Variants in EDIL3 observed in about 807,000 individuals in gnomAD.
EDIL3 encodes EGF-like repeat and discoidin I-like domain-containing protein 3.
In EDIL3, 37 loss-of-function variants were observed where a neutral mutation model predicts 67.4. The observed-to-expected ratio is 0.55, with a 90% confidence interval of 0.42 to 0.72. The LOEUF is 0.72. Among genes scored for constraint, EDIL3 ranks in the 30% least tolerant of loss-of-function variants. EDIL3 has a pLI of 0.00. For missense variants in EDIL3, 527 were observed against 586.3 expected (o/e 0.90, Z 1.04); for synonymous variants, 195 against 196.3 (o/e 0.99, Z 0.05).
At chr5:84,248,640 G>A (rs1472204416) in intron 2 of EDIL3, among the ~76,000 whole-genome samples, 1 of 152,118 alleles carries the variant, frequency 6.6e-6, no homozygotes, top group Non-Finnish European at 1.5e-5. Flanking sequence ...AATTCAACAT[G>A]TGAAATACTG....
chr5:84,054,643 C>A (rs1422932727), intron 9 of EDIL3, among the ~76,000 whole-genome samples: 1 of 152,094 alleles, frequency 6.6e-6, no homozygotes, highest in African/African-American at 2.4e-5. Flanking sequence ...GCAAAAATCA[C>A]AAGCATTCTT....
chr5:84,334,724 T>C (rs1746951366), intron 1 of EDIL3, among the ~76,000 whole-genome samples: 1 of 152,220 alleles, frequency 6.6e-6, no homozygotes, highest in South Asian at 2.1e-4. Context: ...CACATTTTTT[T>C]CTTCATCTTT....
Position 84,231,301 on chromosome 5 carries a change from A to G in EDIL3, c.197-1417T>C, listed in dbSNP as rs544027381. ...GAAGTTTGTCTGAAGCAGCTTCACA[A>G]TTTTGCCTAGAATCCATCTATTCAC... is the stretch of plus-strand genomic sequence containing the variant. On this transcript the variant is annotated intron_variant, in intron 2 of 10. Coordinates refer to ENST00000296591, the MANE Select transcript of EDIL3 (RefSeq NM_005711.5). Among the ~76,000 whole-genome samples the G allele has an allele frequency of 3.3e-5, 5 of 152,254 alleles. No homozygotes were observed. In the South Asian group the frequency reaches 1.0e-3, roughly 32 times the overall value.
At chr5:84,191,727 TA>T (rs869057664) in intron 3 of EDIL3, among the ~76,000 whole-genome samples, 129 of 151,664 alleles carry the variant, frequency 8.5e-4, no homozygotes, top group African/African-American at 2.8e-3. Flanking sequence ...ATATTTTTTT[TA>T]AAAAAAAGGA....
At chr5:83,959,625 T>A (rs999823197) in intron 10 of EDIL3, among the ~76,000 whole-genome samples, 1 of 151,132 alleles carries the variant, frequency 6.6e-6, no homozygotes, top group East Asian at 2.0e-4. Context: ...CTTGTAAATA[T>A]TGAAGACTTT....
intron 4 of EDIL3, among the ~76,000 whole-genome samples, chr5:84,164,255 C>T (rs1254841749): frequency 6.6e-6 from 1 of 152,022 alleles, no homozygotes; most frequent in Admixed American, 6.6e-5. Flanking sequence ...AGGATACTTA[C>T]TGGATTTGAA....
chr5:84,345,520 T>A (rs893889804), intron 1 of EDIL3, among the ~76,000 whole-genome samples: 11 of 151,916 alleles, frequency 7.2e-5, no homozygotes, highest in Non-Finnish European at 8.8e-5. Context: ...CTTTGAGAAA[T>A]GGAGTAATAA....
At chr5:84,247,747 A>AAT (rs1376097764) in intron 2 of EDIL3, among the ~76,000 whole-genome samples, 4 of 151,978 alleles carry the variant, frequency 2.6e-5, no homozygotes, top group Non-Finnish European at 5.9e-5. Context: ...ACTTTTCCTG[A>AAT]ATATATATAT....
In EDIL3 at chr5:84,004,445, A is replaced by T. The variant is rs78576603; in HGVS notation, c.1138-41085T>A. ...GCCATAAAGCAATTCTTAATAAATT[A>T]AAAAAAAATCCAAAATTATACCAAA... On this transcript the variant is annotated intron_variant, in intron 9 of 10. Coordinates refer to ENST00000296591, the MANE Select transcript of EDIL3 (RefSeq NM_005711.5). Among the ~76,000 whole-genome samples, 531 of 151,698 alleles carry T rather than the reference A, an allele frequency of 3.5e-3. 4 individuals carry two copies. The highest frequency in any genetic ancestry group is 0.026 in the East Asian group (136 of 5,172).
chr5:84,130,017 G>A (rs932587032), intron 5 of EDIL3, among the ~76,000 whole-genome samples: 1 of 152,058 alleles, frequency 6.6e-6, no homozygotes, highest in African/African-American at 2.4e-5. Flanking sequence ...CAAAGGATGT[G>A]TTTATTCTTG....
At chr5:84,015,977 C>T (rs1395981161) in intron 9 of EDIL3, among the ~76,000 whole-genome samples, 1 of 151,976 alleles carries the variant, frequency 6.6e-6, no homozygotes, top group Non-Finnish European at 1.5e-5. Context: ...TAGTACAGAT[C>T]CTCTCATCAC....
chr5:84,213,772 TTTTA>T (rs1436928152), intron 3 of EDIL3, among the ~76,000 whole-genome samples: 1 of 152,216 alleles, frequency 6.6e-6, no homozygotes, highest in African/African-American at 2.4e-5. Flanking sequence ...CCCAGGTATG[TTTTA>T]TTTTATTTTT....
At chr5:84,263,329 G>T (rs1027167216) in intron 1 of EDIL3, among the ~76,000 whole-genome samples, 1 of 152,290 alleles carries the variant, frequency 6.6e-6, no homozygotes, top group East Asian at 1.9e-4. Context: ...GTACTGTCTT[G>T]CTTTAGAAAA....
chr5:83,952,102 C>T (rs1175324116), intron 10 of EDIL3, among the ~76,000 whole-genome samples: 1 of 151,752 alleles, frequency 6.6e-6, no homozygotes, highest in African/African-American at 2.4e-5. Context: ...GCTGGTAGCT[C>T]TTTAGAAAGA....
chr5:84,009,539 G>A lies in EDIL3; in HGVS notation c.1138-46179C>T, dbSNP rs187971189. On this transcript the variant is annotated intron_variant, in intron 9 of 10. Transcript: ENST00000296591. ...TTAACTATAGAAAAAAAACCTACAC[G>A]TGCTAACATTATTGTCAGGCAATTA... is the stretch of plus-strand genomic sequence containing the variant. Among the ~76,000 whole-genome samples, 41 of 152,140 alleles carry A rather than the reference G, an allele frequency of 2.7e-4. No homozygotes were observed. In the East Asian group the frequency reaches 7.0e-3, roughly 26 times the overall value.
At chr5:83,963,129 G>A in intron 10 of EDIL3, 76 bp downstream of exon 10, 1 of 1,470,518 alleles carries the variant, frequency 6.8e-7, no homozygotes, top group Non-Finnish European at 9.1e-7. Flanking sequence ...AGATGTATAA[G>A]CAGTTAATTC....
chr5:84,195,862 T>C (rs1432620703), intron 3 of EDIL3, among the ~76,000 whole-genome samples: 3 of 152,018 alleles, frequency 2.0e-5, no homozygotes, highest in African/African-American at 7.2e-5. Flanking sequence ...TTCCAAATTC[T>C]CTTTGATCTA....
At chr5:84,029,660 G>T (rs1745881855) in intron 9 of EDIL3, among the ~76,000 whole-genome samples, 1 of 152,080 alleles carries the variant, frequency 6.6e-6, no homozygotes, top group African/African-American at 2.4e-5. Context: ...CCTCAAAAGG[G>T]TTAAGATTAA....
chr5:84,085,716 A>C (rs936138072), intron 6 of EDIL3, among the ~76,000 whole-genome samples: 4 of 152,078 alleles, frequency 2.6e-5, no homozygotes, highest in Non-Finnish European at 5.9e-5. Context: ...TGCTGGGAGA[A>C]TCCCCCTTGT....
Sources: allele counts gnomAD v4.1 joint callset (sites outside exome capture counted in the v4.1 genomes callset), GRCh38; gene constraint gnomAD v4.1.1; transcripts MANE v1.5; gene names NCBI Gene and HGNC (gene_info 2026-07-23, HGNC 2026-07-21).